LRRC4C: variants seen among roughly 807,000 people sequenced by gnomAD.
LRRC4C encodes the protein leucine-rich repeat-containing protein 4C.
In LRRC4C, 5 loss-of-function variants were observed where a neutral mutation model predicts 33.6. The observed-to-expected ratio is 0.15, with a 90% confidence interval of 0.08 to 0.31. The LOEUF (loss-of-function observed/expected upper bound fraction) is 0.31. Ranked by LOEUF, LRRC4C falls within the 10% of genes least tolerant of loss-of-function variation. The pLI, the probability that LRRC4C is intolerant of heterozygous loss-of-function variation, is 1.00. For synonymous variants in LRRC4C, 329 were observed against 302.0 expected (o/e 1.09, Z -0.93); for missense variants, 560 against 796.7 (o/e 0.70, Z 3.58).
intron 1 of LRRC4C, among the ~76,000 whole-genome samples, chr11:41,064,419 C>T (rs546657361): frequency 6.6e-6 from 1 of 152,220 alleles, no homozygotes; most frequent in South Asian, 2.1e-4. Flanking sequence ...ATAATGACAG[C>T]ATAAGAAAAA....
intron 3 of LRRC4C, among the ~76,000 whole-genome samples, chr11:40,452,400 C>A (rs1256788774): frequency 6.6e-6 from 1 of 152,176 alleles, no homozygotes; most frequent in Non-Finnish European, 1.5e-5. Context: ...CAAAAGAAGA[C>A]ATTTATGCAG....
At chr11:41,009,111 T>C (rs1854981664) in intron 1 of LRRC4C, among the ~76,000 whole-genome samples, 1 of 152,100 alleles carries the variant, frequency 6.6e-6, no homozygotes, top group South Asian at 2.1e-4. Context: ...TAAATTTATC[T>C]GATTTAGATA....
At chr11:40,424,112 T>A (rs997960448) in intron 3 of LRRC4C, among the ~76,000 whole-genome samples, 8 of 152,034 alleles carry the variant, frequency 5.3e-5, no homozygotes, top group African/African-American at 1.9e-4. Context: ...TCATACAGAG[T>A]CATAGAAATC....
At chr11:40,920,197 A>G (rs992214886) in intron 2 of LRRC4C, among the ~76,000 whole-genome samples, 11 of 152,170 alleles carry the variant, frequency 7.2e-5, no homozygotes, top group African/African-American at 2.4e-4. Context: ...CCTAATTATT[A>G]TTCCTTTATT....
intron 1 of LRRC4C, among the ~76,000 whole-genome samples, chr11:41,153,450 C>T (rs111560263): frequency 4.6e-5 from 7 of 152,064 alleles, no homozygotes; most frequent in African/African-American, 1.7e-4. Flanking sequence ...CAAGGAGAGT[C>T]CCTCAATTAA....
chr11:40,842,441 T>C (rs988856736), intron 2 of LRRC4C, among the ~76,000 whole-genome samples: 3 of 152,200 alleles, frequency 2.0e-5, no homozygotes, highest in Non-Finnish European at 4.4e-5. Context: ...TAATTGCATA[T>C]ATTTATTGTA....
chr11:40,696,171 A>T (rs982363132), intron 2 of LRRC4C, among the ~76,000 whole-genome samples: 2 of 148,712 alleles, frequency 1.3e-5, no homozygotes, highest in African/African-American at 4.9e-5. Context: ...GAAATAGAAC[A>T]AAATTCTATC....
intron 1 of LRRC4C, among the ~76,000 whole-genome samples, chr11:41,029,642 T>C (rs999900044): frequency 4.0e-5 from 6 of 151,838 alleles, no homozygotes; most frequent in African/African-American, 1.4e-4. Context: ...CAGTGATTCA[T>C]AACAACAAAT....
intron 1 of LRRC4C, among the ~76,000 whole-genome samples, chr11:41,395,588 C>T (rs889455417): frequency 6.6e-6 from 1 of 151,746 alleles, no homozygotes; most frequent in Admixed American, 6.6e-5. Context: ...AAATATAGGC[C>T]TTAAAAATAT....
chr11:41,279,948 C>T (rs866999596), intron 1 of LRRC4C, among the ~76,000 whole-genome samples: 64 of 151,878 alleles, frequency 4.2e-4, no homozygotes, highest in Non-Finnish European at 6.9e-4. Context: ...TTAGAGAAGG[C>T]TCATTATTTT....
chr11:40,664,851 T>A (rs1943631706), intron 2 of LRRC4C, among the ~76,000 whole-genome samples: 1 of 152,092 alleles, frequency 6.6e-6, no homozygotes, highest in Admixed American at 6.5e-5. Flanking sequence ...TGTATACATG[T>A]GCCATGTTGG....
intron 1 of LRRC4C, among the ~76,000 whole-genome samples, chr11:41,096,659 G>T (rs912795063): frequency 6.6e-6 from 1 of 152,186 alleles, no homozygotes; most frequent in Non-Finnish European, 1.5e-5. Context: ...GGAGAAAGAA[G>T]AGAGGCCAGG....
intron 3 of LRRC4C, among the ~76,000 whole-genome samples, chr11:40,436,002 C>G (rs944709765): frequency 1.3e-5 from 2 of 152,118 alleles, no homozygotes; most frequent in South Asian, 4.1e-4. Flanking sequence ...TTTGTTCTAC[C>G]TGAAACATTT....
intron 1 of LRRC4C, among the ~76,000 whole-genome samples, chr11:41,456,351 A>G (rs922886136): frequency 4.7e-5 from 7 of 150,536 alleles, no homozygotes; most frequent in African/African-American, 1.5e-4. Context: ...CTGCTCTTAA[A>G]CTTCTTACTA....
At chr11:40,218,530 A>G (rs992165817) in intron 5 of LRRC4C, among the ~76,000 whole-genome samples, 1 of 152,140 alleles carries the variant, frequency 6.6e-6, no homozygotes, top group Non-Finnish European at 1.5e-5. Flanking sequence ...CGTCAGAGGA[A>G]CTAAGAGACC....
chr11:40,889,587 G>A lies in LRRC4C; in HGVS notation c.-407+44048C>T, dbSNP rs148700222. Reference sequence around the variant, plus strand: ...TGAATAAAATTATATGCTATATAACGTGCATTATTTGTAGTTCCAGTGTAT... The same window carrying A: ...TGAATAAAATTATATGCTATATAACATGCATTATTTGTAGTTCCAGTGTAT... On this transcript the variant is annotated intron_variant, in intron 2 of 6. Transcript: ENST00000528697. 2.6e-3 allele frequency among the ~76,000 whole-genome samples: 400 copies of A among 151,976 alleles called. 2 individuals carry two copies. Among genetic ancestry groups the A allele is most frequent in the African/African-American group, 9.1e-3 (378 of 41,476 alleles).
intron 5 of LRRC4C, among the ~76,000 whole-genome samples, chr11:40,151,277 G>T (rs1226779645): frequency 1.3e-5 from 2 of 152,082 alleles, no homozygotes; most frequent in Non-Finnish European, 2.9e-5. Context: ...ACTCTGAAAT[G>T]TCAGGGATTT....
At chr11:40,839,693 A>G (rs1167272673) in intron 2 of LRRC4C, among the ~76,000 whole-genome samples, 1 of 152,190 alleles carries the variant, frequency 6.6e-6, no homozygotes, top group African/African-American at 2.4e-5. Flanking sequence ...AGTCCTCTAC[A>G]GATGGAAAGG....
At chr11:40,360,456 G>A (rs774511970) in intron 3 of LRRC4C, among the ~76,000 whole-genome samples, 16 of 152,190 alleles carry the variant, frequency 1.1e-4, no homozygotes, top group Admixed American at 1.0e-3. Context: ...ACACTCTGCT[G>A]CGTGCACAGA....
Sources: gnomAD v4.1 joint callset for allele counts (sites outside exome capture counted in the v4.1 genomes callset) on GRCh38, gnomAD v4.1.1 for gene constraint, MANE v1.5 for transcripts, NCBI Gene and HGNC (gene_info 2026-07-23, HGNC 2026-07-21) for gene names.